The following ZFHX3 variants were observed in gnomAD, a reference collection of about 807,000 sequenced individuals.
ZFHX3 encodes the protein zinc finger homeobox 3, also known as zinc finger homeobox protein 3.
A neutral mutation model predicts 279.1 loss-of-function variants in ZFHX3; 42 were observed. The ratio of observed to expected loss-of-function variants is 0.15; its 90% CI spans 0.12 to 0.19. ZFHX3 has a LOEUF of 0.19. Ranked by LOEUF, ZFHX3 falls within the 10% of genes least tolerant of loss-of-function variation. ZFHX3 has a pLI of 1.00. For missense variants in ZFHX3, 4,981 were observed against 4,754.0 expected (o/e 1.05, Z -1.40); for synonymous variants, 2,293 against 1,957.8 (o/e 1.17, Z -4.52).
chr16:73,207,468 G>T (rs2011851968), intron 5 of ZFHX3, among the ~76,000 whole-genome samples: 1 of 152,054 alleles, frequency 6.6e-6, no homozygotes. Context: ...TGACCAGTTG[G>T]TTCATTTGGT....
intron 2 of ZFHX3, among the ~76,000 whole-genome samples, chr16:73,659,196 C>G (rs545865723): frequency 6.6e-6 from 1 of 152,152 alleles, no homozygotes; most frequent in African/African-American, 2.4e-5. Flanking sequence ...GGTGACAGGA[C>G]AAAACCGAGC....
Position 73,524,874 on chromosome 16 carries a change from T to A in ZFHX3, c.-1546-68616A>T, listed in dbSNP as rs527728941. Among the ~76,000 whole-genome samples the A allele has an allele frequency of 3.3e-5, 5 of 152,316 alleles. No homozygotes were observed. The South Asian group carries it at 1.0e-3, about 32-fold the overall frequency. On this transcript the variant is annotated intron_variant, in intron 2 of 17. Transcript: ENST00000641206. ...GGTGGGCTGAGGGCAGAATGAATAT[T>A]TGCTCTATTTTCACAGAGGGCCAGT...
At chr16:73,357,012 A>G (rs2016353406) in intron 3 of ZFHX3, among the ~76,000 whole-genome samples, 1 of 151,916 alleles carries the variant, frequency 6.6e-6, no homozygotes, top group Non-Finnish European at 1.5e-5. Flanking sequence ...GTTACCCAGC[A>G]GAGCTCAGCT....
intron 2 of ZFHX3, among the ~76,000 whole-genome samples, chr16:73,544,498 G>T (rs1350157829): frequency 6.6e-6 from 1 of 152,080 alleles, no homozygotes; most frequent in Non-Finnish European, 1.5e-5. Context: ...ACCCAAACTC[G>T]TTTCCCTCCA....
chr16:73,387,631 T>C (rs921689043), intron 3 of ZFHX3, among the ~76,000 whole-genome samples: 1 of 151,892 alleles, frequency 6.6e-6, no homozygotes, highest in Non-Finnish European at 1.5e-5. Context: ...TCCCCAAGAG[T>C]CTTTAAATCT....
intron 3 of ZFHX3, among the ~76,000 whole-genome samples, chr16:73,347,612 T>C (rs1361201378): frequency 1.3e-5 from 2 of 152,368 alleles, no homozygotes; most frequent in African/African-American, 4.8e-5. Context: ...CTATCAGCTG[T>C]GTTTAAGCAT....
chr16:73,587,063 G>A (rs1242308314), intron 2 of ZFHX3, among the ~76,000 whole-genome samples: 6 of 152,096 alleles, frequency 3.9e-5, no homozygotes, highest in Admixed American at 2.0e-4. Flanking sequence ...TTTTGGAGAC[G>A]GCTCTGTGAA....
At chr16:73,097,176 C>G (rs13337887) in intron 7 of ZFHX3, among the ~76,000 whole-genome samples, 22,844 of 151,640 alleles carry the variant, frequency 0.15, 1,905 homozygotes, top group Admixed American at 0.17. Context: ...GCCTCAGCCT[C>G]CCAAGTAGCT....
intron 2 of ZFHX3, among the ~76,000 whole-genome samples, chr16:73,601,555 A>T (rs1052781736): frequency 6.6e-6 from 1 of 151,990 alleles, no homozygotes; most frequent in South Asian, 2.1e-4. Flanking sequence ...ATTAAAACTC[A>T]TTGAGGGCAG....
intron 2 of ZFHX3, among the ~76,000 whole-genome samples, chr16:73,481,992 G>A (rs1368936571): frequency 6.6e-6 from 1 of 152,178 alleles, no homozygotes; most frequent in Non-Finnish European, 1.5e-5. Flanking sequence ...TGAGCAACTG[G>A]AGAAAATGGA....
intron 1 of ZFHX3, among the ~76,000 whole-genome samples, chr16:73,055,675 C>T (rs1042809033): frequency 7.0e-5 from 8 of 113,516 alleles, no homozygotes; most frequent in Non-Finnish European, 1.3e-4. Flanking sequence ...ACGGTGCAGA[C>T]GTACGCGCGC....
intron 1 of ZFHX3, among the ~76,000 whole-genome samples, chr16:73,709,346 C>CAG (rs59857152): frequency 0.046 from 6,619 of 145,226 alleles, 181 homozygotes; most frequent in African/African-American, 0.069. Context: ...GGCTGTGTGA[C>CAG]AGAGAGAGAG....
chr16:73,682,986 G>GA (rs71156183), intron 1 of ZFHX3, among the ~76,000 whole-genome samples: 1,099 of 33,608 alleles, frequency 0.033, 26 homozygotes, highest in East Asian at 0.041. Flanking sequence ...AAGAAAGAAA[G>GA]AAAGAAAAGA....
intron 1 of ZFHX3, among the ~76,000 whole-genome samples, chr16:73,692,634 C>T (rs1194818533): frequency 3.9e-5 from 6 of 152,164 alleles, no homozygotes; most frequent in Non-Finnish European, 8.8e-5. Context: ...ATTATGGTGT[C>T]GCATCTTTGC....
At chr16:73,740,348 G>A (rs947307534) in intron 1 of ZFHX3, among the ~76,000 whole-genome samples, 2 of 152,144 alleles carry the variant, frequency 1.3e-5, no homozygotes, top group African/African-American at 2.4e-5. Context: ...GGGAAGGCTG[G>A]CTCCCTAAAG....
rs542940222 is a variant in ZFHX3, at chr16:73,478,325, C to T, written c.-1546-22067G>A. ...CTAAAAGCCATATGACATGCCTGAA[C>T]AGGGACTTGAACCCTGGACCCTCAG... On this transcript the variant is annotated intron_variant, in intron 2 of 17. Coordinates refer to the ZFHX3 transcript ENST00000641206. Among the ~76,000 whole-genome samples the T allele has an allele frequency of 3.2e-4, 47 of 148,624 alleles. No homozygotes were observed. In the South Asian group the frequency reaches 4.9e-3, roughly 16 times the overall value.
At chr16:73,847,407 G>A (rs1961476704) in intron 1 of ZFHX3, among the ~76,000 whole-genome samples, 1 of 152,168 alleles carries the variant, frequency 6.6e-6, no homozygotes, top group African/African-American at 2.4e-5. Context: ...CCTGGAAAAT[G>A]CATTCCCATG....
intron 3 of ZFHX3, among the ~76,000 whole-genome samples, chr16:73,435,832 G>A (rs1264056792): frequency 6.6e-6 from 1 of 152,178 alleles, no homozygotes; most frequent in Non-Finnish European, 1.5e-5. Context: ...TTTGGGGTCA[G>A]GGGTATCTGC....
chr16:73,105,910 A>C (rs1966297603), intron 7 of ZFHX3, among the ~76,000 whole-genome samples: 50 of 143,592 alleles, frequency 3.5e-4, no homozygotes, highest in African/African-American at 4.9e-4. Context: ...CATCTCTCCC[A>C]CTCCCTATAT....
Sources: gnomAD v4.1 joint callset for allele counts (sites outside exome capture counted in the v4.1 genomes callset) on GRCh38, gnomAD v4.1.1 for gene constraint, MANE v1.5 for transcripts, NCBI Gene and HGNC (gene_info 2026-07-23, HGNC 2026-07-21) for gene names.